The following BMP5 variants were observed in gnomAD, a reference collection of about 807,000 sequenced individuals.
BMP5 encodes the protein bone morphogenetic protein 5.
In BMP5, 23 loss-of-function variants were observed where a neutral mutation model predicts 46.6. The observed-to-expected ratio is 0.49, with a 90% CI of 0.35 to 0.70. The LOEUF is 0.70. Among genes scored for constraint, BMP5 ranks in the 30% least tolerant of loss-of-function variants. The probability of loss-of-function intolerance (pLI) is 0.00; values close to 1 mark genes in which losing one functional copy is unlikely to be tolerated. For missense variants in BMP5, 545 were observed against 565.6 expected, an observed-to-expected ratio of 0.96 and a Z score of 0.37; for synonymous variants, 204 against 191.9, an observed-to-expected ratio of 1.06 and a Z score of -0.52.
intron 4 of BMP5, among the ~76,000 whole-genome samples, chr6:55,769,290 A>G (rs1341348824): frequency 6.6e-6 from 1 of 151,938 alleles, no homozygotes; most frequent in African/African-American, 2.4e-5. Flanking sequence ...CCTCTACTCT[A>G]GTAAATAAAC....
intron 1 of BMP5, among the ~76,000 whole-genome samples, chr6:55,820,443 G>A (rs1776380251): frequency 6.6e-6 from 1 of 151,080 alleles, no homozygotes; most frequent in African/African-American, 2.4e-5. Flanking sequence ...TCTTGAGAAA[G>A]GTCTCACTCC....
chr6:55,792,669 TC>T (rs879420259), intron 3 of BMP5, among the ~76,000 whole-genome samples: 2 of 152,156 alleles, frequency 1.3e-5, no homozygotes, highest in African/African-American at 2.4e-5. Flanking sequence ...AATGGTATTA[TC>T]CATAGGCTAT....
At chr6:55,826,662 G>A (rs1412573947) in intron 1 of BMP5, among the ~76,000 whole-genome samples, 2 of 151,066 alleles carry the variant, frequency 1.3e-5, no homozygotes, top group South Asian at 4.1e-4. Flanking sequence ...CCAAGCATTG[G>A]TATGAAAATT....
Position 55,755,698 on chromosome 6 carries a change from G to T in BMP5, c.1216-16C>A, listed in dbSNP as rs779906940. On this transcript the variant is annotated splice_polypyrimidine_tract_variant and intron_variant, in intron 6 of 6. Transcript: ENST00000370830. ...TCAGATGAACCTGGGAAAGAAAAAA[G>T]GTTTTGTTTTATTAAGAAATAAAAT... The T allele has an allele frequency of 6.2e-7, 1 of 1,609,262 alleles. No individual in the cohort carries two copies. Among genetic ancestry groups the T allele is most frequent in the Non-Finnish European group, 8.5e-7 (1 of 1,176,666 alleles).
At chr6:55,873,967 T>C (rs997755446) in intron 1 of BMP5, among the ~76,000 whole-genome samples, 9 of 152,036 alleles carry the variant, frequency 5.9e-5, no homozygotes, top group African/African-American at 2.2e-4. Flanking sequence ...GAATATATAC[T>C]TACATGTGCT....
intron 2 of BMP5, among the ~76,000 whole-genome samples, chr6:55,804,161 A>G (rs1265911266): frequency 6.6e-6 from 1 of 152,220 alleles, no homozygotes; most frequent in East Asian, 1.9e-4. Context: ...CATACTTGTG[A>G]ATGTGATCTT....
chr6:55,872,812 A>G (rs1167599098), intron 1 of BMP5, among the ~76,000 whole-genome samples: 1 of 151,862 alleles, frequency 6.6e-6, no homozygotes, highest in Non-Finnish European at 1.5e-5. Context: ...AAATTTTTCT[A>G]TTAAAATATT....
intron 4 of BMP5, among the ~76,000 whole-genome samples, chr6:55,762,002 T>C (rs139973100): frequency 6.6e-6 from 1 of 152,142 alleles, no homozygotes; most frequent in East Asian, 1.9e-4. Context: ...TGAAATACTA[T>C]CATTACATAT....
chr6:55,843,494 T>C (rs1046015684), intron 1 of BMP5, among the ~76,000 whole-genome samples: 9 of 152,062 alleles, frequency 5.9e-5, no homozygotes, highest in African/African-American at 1.9e-4. Context: ...TATGTTGTTT[T>C]CTGCTGTAAT....
chr6:55,819,974 A>G, intron 1 of BMP5, 127 bp from the exon 2 acceptor site: 1 of 824,812 alleles, frequency 1.2e-6, no homozygotes, highest in Non-Finnish European at 1.9e-6. Context: ...GAAAAACCCT[A>G]AAACCACAAA....
intron 1 of BMP5, among the ~76,000 whole-genome samples, chr6:55,856,662 CAT>C (rs1481857315): frequency 2.6e-5 from 4 of 151,952 alleles, no homozygotes; most frequent in East Asian, 1.9e-4. Context: ...CATTTTCTTA[CAT>C]GTTTATTAAT....
At chr6:55,851,477 C>T (rs1777242934) in intron 1 of BMP5, among the ~76,000 whole-genome samples, 1 of 152,134 alleles carries the variant, frequency 6.6e-6, no homozygotes, top group South Asian at 2.1e-4. Context: ...CCCATGGAGG[C>T]AGGTGGTAGT....
At chr6:55,835,086 C>CAAA (rs757850483) in intron 1 of BMP5, among the ~76,000 whole-genome samples, 14 of 112,612 alleles carry the variant, frequency 1.2e-4, no homozygotes, top group African/African-American at 4.0e-4. Flanking sequence ...AACTCCATCT[C>CAAA]AAAAAAAAAA....
At chr6:55,790,184 G>T (rs893266975) in intron 3 of BMP5, among the ~76,000 whole-genome samples, 2 of 152,196 alleles carry the variant, frequency 1.3e-5, no homozygotes, top group African/African-American at 2.4e-5. Context: ...CTGCTCCTAT[G>T]TTACATTAAA....
At chr6:55,767,985 T>G (rs983599078) in intron 4 of BMP5, among the ~76,000 whole-genome samples, 4 of 151,832 alleles carry the variant, frequency 2.6e-5, no homozygotes, top group Admixed American at 1.3e-4. Flanking sequence ...GAGAGAGAGG[T>G]TTGTACCATG....
In BMP5 at chr6:55,874,909, CTCT is replaced by C. The variant is rs760879543; in HGVS notation, c.-47_-45del. 6.3e-7 allele frequency: 1 copy of C among 1,578,176 alleles called. No individual in the cohort carries two copies. Among genetic ancestry groups the C allele is most frequent in the Admixed American group, 1.9e-5 (1 of 51,732 alleles). On this transcript the variant is annotated 5_prime_UTR_variant, in exon 1 of 7. Coordinates refer to ENST00000370830, the MANE Select transcript of BMP5 (RefSeq NM_021073.4). ...GTTGATATTTTTAGTCCTTCTTGTCCTCTTAAAAAAAAAAAAAACCTAAGGTTC... is the reference window on the plus strand; with the variant it reads ...GTTGATATTTTTAGTCCTTCTTGTCCTAAAAAAAAAAAAAACCTAAGGTTC...
intron 1 of BMP5, among the ~76,000 whole-genome samples, chr6:55,839,752 CAGTGTTATTTTAAT>C (rs1776906221): frequency 1.3e-5 from 2 of 152,104 alleles, no homozygotes; most frequent in Non-Finnish European, 2.9e-5. Context: ...CTATTGTAGA[CAGTGTTATTTTAAT>C]TTACTTTTCC....
At chr6:55,863,579 C>T (rs1270838412) in intron 1 of BMP5, among the ~76,000 whole-genome samples, 6 of 152,108 alleles carry the variant, frequency 3.9e-5, no homozygotes, top group Admixed American at 1.3e-4. Context: ...TGTTATTATT[C>T]CTTTAATTAT....
At chr6:55,835,103 T>C (rs1776759151) in intron 1 of BMP5, among the ~76,000 whole-genome samples, 1 of 151,508 alleles carries the variant, frequency 6.6e-6, no homozygotes, top group African/African-American at 2.4e-5. Context: ...AAAAAAAAAT[T>C]ATATGTGGAG....
Sources: allele counts gnomAD v4.1 joint callset (sites outside exome capture counted in the v4.1 genomes callset), GRCh38; gene constraint gnomAD v4.1.1; transcripts MANE v1.5; gene names NCBI Gene and HGNC (gene_info 2026-07-23, HGNC 2026-07-21).